MAX: variants seen among roughly 807,000 people sequenced by gnomAD.
MAX encodes protein max.
MAX carries 3 observed loss-of-function variants against 22.3 expected under a neutral mutation model. The ratio of observed to expected loss-of-function variants is 0.13; its 90% CI spans 0.06 to 0.35. The LOEUF (loss-of-function observed/expected upper bound fraction) is 0.35. MAX is among the 10% of genes least tolerant of loss of function. The pLI, the probability that MAX is intolerant of heterozygous loss-of-function variation, is 1.00. For missense variants in MAX, 119 were observed against 209.4 expected (o/e 0.57, Z 2.66); for synonymous variants, 72 against 77.7 (o/e 0.93, Z 0.39).
chr14:65,063,840 C>T (rs1048219814), intron 3 of MAX, among the ~76,000 whole-genome samples: 3 of 152,210 alleles, frequency 2.0e-5, no homozygotes, highest in Admixed American at 6.5e-5. Flanking sequence ...GCTGAGATTA[C>T]GGGTGTGAGC....
At position 65,102,319 on chromosome 14, in the gene MAX, G is replaced by C. The variant is rs760248675; in HGVS notation, c.21C>G (p.Ile7Met). The C allele has an allele frequency of 1.9e-6, 3 of 1,613,858 alleles. No homozygotes were observed. Among genetic ancestry groups the C allele is most frequent in the Non-Finnish European group, 2.5e-6 (3 of 1,179,810 alleles). Residue 7 changes from isoleucine to methionine, a missense_variant, in exon 1 of 5, where the codon ATC becomes ATG. By Grantham distance (10) the Ile-to-Met change is conservative. Coordinates refer to ENST00000358664, the MANE Select transcript of MAX (RefSeq NM_002382.5). ...CAGGACTCACGTCGCTCTCCACCTC[G>C]ATGTCATCGTTATCGCTCATTTCCT... MSDNDD[I>M]EVESDEEQPR...
At position 65,078,678 on chromosome 14, in the gene MAX, T is replaced by C. The variant is rs967517482; in HGVS notation, c.172-642A>G. The stretch of plus-strand genomic sequence containing the variant: ...CAGAGTAGCTGGGATTACAAGTACA[T>C]GCCACGTTGCCTGGCTAATTTTTAC... On this transcript the variant is annotated intron_variant, in intron 3 of 4. Coordinates refer to ENST00000358664, the MANE Select transcript of MAX (RefSeq NM_002382.5). The surrounding 1 kb of genome is among the most constrained non-coding windows in gnomAD (Gnocchi z 6.4). Among the ~76,000 whole-genome samples, 1 of 152,038 alleles carries C rather than the reference T, an allele frequency of 6.6e-6. No individual in the cohort carries two copies. The highest frequency in any genetic ancestry group is 1.5e-5 in the Non-Finnish European group (1 of 68,014).
At chr14:65,055,702 A>C (rs1485254230) in intron 3 of MAX, among the ~76,000 whole-genome samples, 4 of 151,990 alleles carry the variant, frequency 2.6e-5, no homozygotes, top group Non-Finnish European at 1.5e-5. Flanking sequence ...TTTTTAGTAG[A>C]GACAGGGTTT....
intron 3 of MAX, chr14:65,021,937 C>A (rs117861584): frequency 2.2e-6 from 1 of 456,002 alleles, no homozygotes; most frequent in South Asian, 1.5e-5. Flanking sequence ...TGAGCCACTG[C>A]GCCCGGCCTA....
At chr14:65,045,696 G>A (rs1020087479) in intron 3 of MAX, among the ~76,000 whole-genome samples, 3 of 152,078 alleles carry the variant, frequency 2.0e-5, no homozygotes, top group African/African-American at 7.2e-5. Context: ...GATTATAGGC[G>A]TGAGCCACCG....
intron 3 of MAX, among the ~76,000 whole-genome samples, chr14:65,051,099 T>G (rs533413146): frequency 6.6e-6 from 1 of 152,336 alleles, no homozygotes; most frequent in South Asian, 2.1e-4. Context: ...GATGGGAGAT[T>G]GGATGCTTCT....
intron 3 of MAX, among the ~76,000 whole-genome samples, chr14:65,020,923 T>C (rs748187675): frequency 3.3e-5 from 5 of 151,832 alleles, no homozygotes; most frequent in Non-Finnish European, 5.9e-5. Context: ...AAAGACAGGC[T>C]TTCAACATGT....
Position 65,069,255 on chromosome 14 carries a change from C to G in MAX, c.171+24453G>C, listed in dbSNP as rs142727430. ...CCTCCCTTCACCAACAGCCCCCCAC[C>G]CCCAGCCTGTCTGGACAGCTAGATG... On this transcript the variant is annotated intron_variant, in intron 3 of 3. Coordinates refer to the MAX transcript ENST00000341653. The surrounding 1 kb of genome is among the most constrained non-coding windows in gnomAD (Gnocchi z 4.6). 6.6e-6 allele frequency among the ~76,000 whole-genome samples: 1 copy of G among 152,146 alleles called. No individual in the cohort carries two copies. The highest frequency in any genetic ancestry group is 1.5e-5 in the Non-Finnish European group (1 of 68,028).
At chr14:65,016,924 T>TTTTTG (rs2061785363) in intron 3 of MAX, among the ~76,000 whole-genome samples, 1 of 144,984 alleles carries the variant, frequency 6.9e-6, no homozygotes, top group Admixed American at 6.9e-5. Context: ...CACGTGGTTT[T>TTTTTG]TTTTTTTTTT....
At chr14:65,008,330 G>A (rs1203137667) in intron 3 of MAX, among the ~76,000 whole-genome samples, 1 of 152,180 alleles carries the variant, frequency 6.6e-6, no homozygotes, top group Non-Finnish European at 1.5e-5. Context: ...CCATTCTGCT[G>A]CCTTTGTGTG....
At chr14:65,086,042 C>T (rs1267812244) in intron 3 of MAX, among the ~76,000 whole-genome samples, 2 of 152,134 alleles carry the variant, frequency 1.3e-5, no homozygotes, top group South Asian at 2.1e-4. Context: ...GAATAAATTT[C>T]GTGAGAGCTG....
Position 65,076,396 on chromosome 14 carries a change from T to C in MAX, c.*80A>G, listed in dbSNP as rs1320861139. 10 of 1,610,926 alleles carry C rather than the reference T, an allele frequency of 6.2e-6. No homozygotes were observed. The highest frequency in any genetic ancestry group is 1.1e-5 in the South Asian group (1 of 90,362). On this transcript the variant is annotated 3_prime_UTR_variant, in exon 5 of 5. Coordinates refer to ENST00000358664, the MANE Select transcript of MAX (RefSeq NM_002382.5). The surrounding 1 kb of genome is among the most constrained non-coding windows in gnomAD (Gnocchi z 6.6). Reference sequence around the variant, plus strand: ...AAATAAAGAGTCTCTTAAATGGTTCTGAGGGCTCTACCAACGAACTGAAAG... The same window carrying C: ...AAATAAAGAGTCTCTTAAATGGTTCCGAGGGCTCTACCAACGAACTGAAAG...
rs1342784673 is a variant in MAX at position 65,088,461 on chromosome 14, C to G, written c.171+5247G>C. ...AAAAGATAATTGCCCAAGTTGGAGTCTGACTAGCTAATATAACCTTAATGA... is the reference window on the plus strand; with the variant it reads ...AAAAGATAATTGCCCAAGTTGGAGTGTGACTAGCTAATATAACCTTAATGA... On this transcript the variant is annotated intron_variant, in intron 3 of 4. Transcript: ENST00000358664. This position sits in a 1 kb window ranked among gnomAD's most constrained non-coding sequence, Gnocchi z 5.2. 6.6e-6 allele frequency among the ~76,000 whole-genome samples: 1 copy of G among 152,196 alleles called. No individual in the cohort carries two copies. Among genetic ancestry groups the G allele is most frequent in the Non-Finnish European group, 1.5e-5 (1 of 68,030 alleles).
chr14:65,077,798 G>A lies in MAX; in HGVS notation c.295+115C>T. 2 of 1,614,036 alleles carry A rather than the reference G, an allele frequency of 1.2e-6. No homozygotes were observed. Among genetic ancestry groups the A allele is most frequent in the South Asian group, 1.1e-5 (1 of 91,070 alleles). On this transcript the variant is annotated intron_variant, in intron 4 of 4. Transcript: ENST00000358664. The surrounding 1 kb of genome is among the most constrained non-coding windows in gnomAD (Gnocchi z 6.3). ...CTCAGGCCCCAAGAAGCAGGACCAA[G>A]CCTGCTACTGAGCACATACTCCATG... is the stretch of plus-strand genomic sequence containing the variant.
chr14:65,017,248 G>A (rs1257320861), intron 3 of MAX, among the ~76,000 whole-genome samples: 1 of 152,040 alleles, frequency 6.6e-6, no homozygotes, highest in Non-Finnish European at 1.5e-5. Context: ...ATACCAGCTC[G>A]GGGGCCTGGG....
chr14:65,019,312 C>A (rs111818714), intron 3 of MAX, among the ~76,000 whole-genome samples: 24,670 of 151,912 alleles, frequency 0.16, 3,230 homozygotes, highest in African/African-American at 0.35. Context: ...CATGGTGAAA[C>A]CCTGTCTCTA....
At chr14:65,015,700 C>T (rs1169275119) in intron 3 of MAX, 1 of 1,614,058 alleles carries the variant, frequency 6.2e-7, no homozygotes, top group African/African-American at 1.3e-5. Context: ...ACCCATCCCC[C>T]AGATAGTGGC....
At chr14:65,085,272 A>T (rs2063301936) in intron 3 of MAX, among the ~76,000 whole-genome samples, 1 of 152,198 alleles carries the variant, frequency 6.6e-6, no homozygotes, top group Admixed American at 6.5e-5. Flanking sequence ...TGCAATTGTG[A>T]CTCATGCTAA....
intron 2 of MAX, among the ~76,000 whole-genome samples, chr14:65,097,332 C>T (rs1425175017): frequency 6.6e-6 from 1 of 152,192 alleles, no homozygotes; most frequent in Non-Finnish European, 1.5e-5. Flanking sequence ...AAATTATTTC[C>T]TTCCAACTTA....
Sources: gnomAD v4.1 joint callset for allele counts (sites outside exome capture counted in the v4.1 genomes callset) on GRCh38, gnomAD v4.1.1 for gene constraint, Gnocchi (gnomAD v3.1) non-coding constraint, MANE v1.5 for transcripts, NCBI Gene and HGNC (gene_info 2026-07-23, HGNC 2026-07-21) for gene names.